Variants in PTPRG observed in about 807,000 individuals in gnomAD.
The protein encoded by PTPRG is protein tyrosine phosphatase receptor type G.
PTPRG carries 102 observed loss-of-function variants against 165.3 expected under a neutral mutation model. That is an observed-to-expected ratio of 0.62 (90% CI 0.53 to 0.73). The LOEUF (loss-of-function observed/expected upper bound fraction) is 0.73. Among genes scored for constraint, PTPRG ranks in the 30% least tolerant of loss-of-function variants. The pLI is 0.00. For missense variants in PTPRG, 1,866 were observed against 1,861.4 expected, an observed-to-expected ratio of 1.00 and a Z score of -0.05; for synonymous variants, 675 against 669.5, an observed-to-expected ratio of 1.01 and a Z score of -0.13.
chr3:61,870,317 C>CT (rs10642619), intron 2 of PTPRG, among the ~76,000 whole-genome samples: 2,030 of 136,310 alleles, frequency 0.015, 71 homozygotes, highest in Admixed American at 0.073. Context: ...AAAAATTATT[C>CT]TTTTTTTTTT....
chr3:61,755,678 C>G (rs1172879903), intron 2 of PTPRG, among the ~76,000 whole-genome samples: 1 of 152,164 alleles, frequency 6.6e-6, no homozygotes, highest in African/African-American at 2.4e-5. Context: ...ACACATAGGC[C>G]TTGAGCCTGG....
chr3:62,046,196 G>T (rs1200704824), intron 4 of PTPRG, among the ~76,000 whole-genome samples: 1 of 152,148 alleles, frequency 6.6e-6, no homozygotes, highest in Admixed American at 6.5e-5. Flanking sequence ...GAATGGAATT[G>T]GAGGAACACT....
chr3:62,204,048 C>T lies in PTPRG; in HGVS notation c.2155+98C>T. Reference sequence around the variant, plus strand: ...GCAGAAGGTGAAGCTTCAGAAGGTACTTAATATTCTTAGAATCATATATGT... The same window carrying T: ...GCAGAAGGTGAAGCTTCAGAAGGTATTTAATATTCTTAGAATCATATATGT... On this transcript the variant is annotated intron_variant, in intron 12 of 29. Coordinates refer to ENST00000474889, the MANE Select transcript of PTPRG (RefSeq NM_002841.4). The T allele has an allele frequency of 2.1e-6, 3 of 1,460,568 alleles. No individual in the cohort carries two copies. The South Asian group carries it at 4.8e-5, about 23-fold the overall frequency. 90.5% of individuals were successfully genotyped at this position (1,460,568 alleles called of 1,614,324 possible).
At chr3:61,967,561 C>A (rs1248186270) in intron 2 of PTPRG, among the ~76,000 whole-genome samples, 2 of 152,154 alleles carry the variant, frequency 1.3e-5, no homozygotes, top group African/African-American at 4.8e-5. Flanking sequence ...AATTCATTCC[C>A]TTACTGGGAA....
rs908344839 is a variant in PTPRG, at chr3:62,296,567, G to A, written c.*3260G>A. The A allele has an allele frequency of 1.3e-5, 2 of 151,136 alleles. No individual in the cohort carries two copies. The highest frequency in any genetic ancestry group is 2.9e-5 in the Non-Finnish European group (2 of 67,806). 9.4% of individuals were successfully genotyped at this position (151,136 alleles called of 1,614,324 possible). ...GTCTTAAGAATTTAGTGGTTATACT[G>A]GAAATGCATTTTCAACTCCTATGTT... On this transcript the variant is annotated 3_prime_UTR_variant, in exon 30 of 30. Transcript: ENST00000474889.
intron 3 of PTPRG, among the ~76,000 whole-genome samples, chr3:62,001,071 G>A (rs1241287965): frequency 6.6e-6 from 1 of 152,200 alleles, no homozygotes; most frequent in Non-Finnish European, 1.5e-5. Context: ...CTTGTGCTCT[G>A]CAGTGACTGC....
At chr3:61,646,807 T>G (rs780447202) in intron 1 of PTPRG, among the ~76,000 whole-genome samples, 7 of 152,174 alleles carry the variant, frequency 4.6e-5, no homozygotes, top group Non-Finnish European at 4.4e-5. Flanking sequence ...CACCCCCACA[T>G]CCCTAACCTC....
At chr3:62,075,228 A>C (rs1385202162) in intron 4 of PTPRG, among the ~76,000 whole-genome samples, 1 of 152,218 alleles carries the variant, frequency 6.6e-6, no homozygotes. Flanking sequence ...GATGCATTAA[A>C]CAATGCTGCT....
At chr3:61,599,184 G>A (rs1168911722) in intron 1 of PTPRG, among the ~76,000 whole-genome samples, 1 of 152,044 alleles carries the variant, frequency 6.6e-6, no homozygotes, top group Non-Finnish European at 1.5e-5. Flanking sequence ...TTGCCCTGTC[G>A]CCCAGGCTGG....
chr3:61,890,729 C>T (rs2038191213), intron 2 of PTPRG, among the ~76,000 whole-genome samples: 1 of 152,138 alleles, frequency 6.6e-6, no homozygotes. Flanking sequence ...TTGAGCCCTA[C>T]TCCAGCCTTC....
At chr3:61,803,514 T>TTCATGTTGTCCATGTTGTCC (rs2035320079) in intron 2 of PTPRG, among the ~76,000 whole-genome samples, 1 of 117,924 alleles carries the variant, frequency 8.5e-6, no homozygotes. Flanking sequence ...GGACAACATG[T>TTCATGTTGTCCATGTTGTCC]AATGCCTCAA....
intron 6 of PTPRG, among the ~76,000 whole-genome samples, chr3:62,150,866 G>T (rs1339023424): frequency 6.6e-6 from 1 of 152,144 alleles, no homozygotes; most frequent in Non-Finnish European, 1.5e-5. Context: ...ATTGTTTATT[G>T]GGGTGTGGGA....
In PTPRG at chr3:62,271,495, T is replaced by C; in HGVS notation, c.3122T>C (p.Phe1041Ser). Residue 1041 changes from phenylalanine to serine, a missense_variant, in exon 21 of 30, where the codon TTC (phenylalanine) becomes TCC (serine). This residue lies in a region of PTPRG where 1,452 missense variants were observed against 1,463.0 expected (regional missense o/e 0.99). Coordinates refer to ENST00000474889, the MANE Select transcript of PTPRG (RefSeq NM_002841.4). This position sits in a 1 kb window ranked among gnomAD's most constrained non-coding sequence, Gnocchi z 4.1. ...VPEYALPVLTFVRRSSAARMP... is the reference protein window; with the variant it reads ...VPEYALPVLTSVRRSSAARMP... ...GAGTATGCCCTTCCAGTACTGACTT[T>C]CGTGAGGAGATCCTCAGCAGCTCGG... 3.1e-6 allele frequency: 5 copies of C among 1,614,020 alleles called. No individual in the cohort carries two copies. The highest frequency in any genetic ancestry group is 1.1e-5 in the South Asian group (1 of 91,076).
At chr3:62,200,847 A>G (rs1700081792) in intron 10 of PTPRG, among the ~76,000 whole-genome samples, 3 of 152,234 alleles carry the variant, frequency 2.0e-5, no homozygotes, top group African/African-American at 7.2e-5. Flanking sequence ...TGTACAGTTC[A>G]TTTTTAATAA....
At chr3:62,033,673 C>CT (rs770748858) in intron 4 of PTPRG, among the ~76,000 whole-genome samples, 24 of 151,910 alleles carry the variant, frequency 1.6e-4, no homozygotes, top group South Asian at 6.3e-4. Flanking sequence ...CTTCCCTGTA[C>CT]TTTTTTGGAG....
At chr3:61,673,094 G>A (rs996317481) in intron 1 of PTPRG, among the ~76,000 whole-genome samples, 11 of 152,140 alleles carry the variant, frequency 7.2e-5, no homozygotes, top group African/African-American at 1.2e-4. Context: ...CTGGGAAGTC[G>A]AGGCTGTAGT....
chr3:62,244,391 T>C (rs934548930), intron 15 of PTPRG, among the ~76,000 whole-genome samples: 5 of 152,194 alleles, frequency 3.3e-5, no homozygotes, highest in Non-Finnish European at 7.3e-5. Flanking sequence ...GAGTGCACAC[T>C]GTAGTGAATC....
chr3:62,008,861 G>T (rs1173059409), intron 4 of PTPRG, among the ~76,000 whole-genome samples: 2 of 152,188 alleles, frequency 1.3e-5, no homozygotes, highest in Non-Finnish European at 2.9e-5. Flanking sequence ...AGGTGGTAAT[G>T]CTCCTTGCCC....
intron 2 of PTPRG, among the ~76,000 whole-genome samples, chr3:61,767,682 T>C (rs1032876088): frequency 6.6e-6 from 1 of 152,120 alleles, no homozygotes; most frequent in African/African-American, 2.4e-5. Context: ...GAATGTTTTA[T>C]ATTTGGCTGG....
Sources: gnomAD v4.1 joint callset for allele counts (sites outside exome capture counted in the v4.1 genomes callset) on GRCh38, gnomAD v4.1.1 for gene constraint, gnomAD v4.1.1 regional missense constraint, Gnocchi (gnomAD v3.1) non-coding constraint, MANE v1.5 for transcripts, NCBI Gene and HGNC (gene_info 2026-07-23, HGNC 2026-07-21) for gene names.